TDRD10: variants seen among roughly 807,000 people sequenced by gnomAD.
TDRD10 encodes tudor domain-containing protein 10.
In TDRD10, 40 loss-of-function variants were observed where a neutral mutation model predicts 48.0. The ratio of observed to expected loss-of-function variants is 0.83; its 90% confidence interval spans 0.65 to 1.09. The LOEUF (loss-of-function observed/expected upper bound fraction) is 1.09. TDRD10 is among the 50% of genes least tolerant of loss of function. TDRD10 has a pLI of 0.00. For missense variants in TDRD10, 378 were observed against 434.7 expected (o/e 0.87, Z 1.16); for synonymous variants, 162 against 170.4 (o/e 0.95, Z 0.38).
intron 6 of TDRD10, among the ~76,000 whole-genome samples, chr1:154,536,248 T>C (rs1694913621): frequency 6.6e-6 from 1 of 152,188 alleles, no homozygotes; most frequent in Admixed American, 6.5e-5. Context: ...TGGTGGCACA[T>C]GCCTGTAATC....
chr1:154,530,107 C>A (rs1396703757), intron 6 of TDRD10, among the ~76,000 whole-genome samples: 1 of 152,070 alleles, frequency 6.6e-6, no homozygotes, highest in Admixed American at 6.5e-5. Context: ...CTCCGCCTCC[C>A]GGGTTCAAGT....
At chr1:154,538,855 G>GCCTTAT (rs1695072410) in intron 6 of TDRD10, among the ~76,000 whole-genome samples, 2 of 136,462 alleles carry the variant, frequency 1.5e-5, no homozygotes, top group East Asian at 2.1e-4. Context: ...TCCATCTCAC[G>GCCTTAT]GTGCTTTGTT....
intron 9 of TDRD10, 110 bp from the exon 10 acceptor site, chr1:154,544,262 C>T (rs1695423863): frequency 6.5e-7 from 1 of 1,540,894 alleles, no homozygotes; most frequent in South Asian, 1.2e-5. Context: ...CCACCTCATA[C>T]CTGATGGCCT....
intron 6 of TDRD10, among the ~76,000 whole-genome samples, chr1:154,524,936 G>T (rs1694235314): frequency 1.3e-5 from 2 of 152,170 alleles, no homozygotes; most frequent in Non-Finnish European, 2.9e-5. Context: ...CTTCTGTGTG[G>T]CTCCTTCCTC....
chr1:154,541,915 C>A, intron 6 of TDRD10, 109 bp from the exon 7 acceptor site: 2 of 1,100,984 alleles, frequency 1.8e-6, no homozygotes, highest in Non-Finnish European at 2.7e-6. Context: ...GGAGTCAGAA[C>A]AGGGGCTGCC....
Position 154,521,322 on chromosome 1 carries a change from G to T in TDRD10, c.213-1G>T. Reference sequence around the variant, plus strand: ...CCTCCCTCTCTCTCTTCCCTTTTCAGCTTTGCATTTGTAGATCTGGGCTCC... The same window carrying T: ...CCTCCCTCTCTCTCTTCCCTTTTCATCTTTGCATTTGTAGATCTGGGCTCC... On this transcript the variant is annotated splice_acceptor_variant, in intron 5 of 12. Transcript: ENST00000368482. LOFTEE classifies it high-confidence loss of function. 2.5e-6 allele frequency: 4 copies of T among 1,614,000 alleles called. No homozygotes were observed. The highest frequency in any genetic ancestry group is 3.4e-6 in the Non-Finnish European group (4 of 1,179,970).
At chr1:154,544,556 G>A (rs202049701) in intron 10 of TDRD10, 39 bp downstream of exon 10, 32 of 1,592,758 alleles carry the variant, frequency 2.0e-5, no homozygotes, top group East Asian at 4.5e-5. Flanking sequence ...TGGGAGAGGC[G>A]TGCAGGGAAA....
chr1:154,533,360 T>G (rs974489465), intron 6 of TDRD10, among the ~76,000 whole-genome samples: 1 of 151,376 alleles, frequency 6.6e-6, no homozygotes, highest in Admixed American at 6.6e-5. Flanking sequence ...TGGGTTTTTT[T>G]TTTTTTTTTT....
chr1:154,535,377 A>G (rs1694866988), intron 6 of TDRD10, among the ~76,000 whole-genome samples: 1 of 151,378 alleles, frequency 6.6e-6, no homozygotes, highest in Non-Finnish European at 1.5e-5. Context: ...AAGAAAAAAA[A>G]AAAAAGAGAG....
chr1:154,547,292 G>T, intron 11 of TDRD10, 117 bp from the exon 12 acceptor site: 1 of 962,538 alleles, frequency 1.0e-6, no homozygotes, highest in Non-Finnish European at 1.6e-6. Flanking sequence ...CTTGCTGGTT[G>T]GAGCTGGTTG....
chr1:154,536,664 G>C (rs1694935947), intron 6 of TDRD10, among the ~76,000 whole-genome samples: 1 of 152,218 alleles, frequency 6.6e-6, no homozygotes, highest in South Asian at 2.1e-4. Context: ...TCGCCCAAAA[G>C]ATTCCCCCTT....
At chr1:154,522,093 A>T (rs1401203341) in intron 6 of TDRD10, among the ~76,000 whole-genome samples, 5 of 152,214 alleles carry the variant, frequency 3.3e-5, no homozygotes, top group Non-Finnish European at 7.3e-5. Context: ...GGCTGCACAT[A>T]CGAGGAAATC....
chr1:154,503,777 TG>T lies in TDRD10; in HGVS notation c.-28+750del, dbSNP rs1692973746. ...CTGTGGACGGCCTCATTTGTGTGGGTGGTGGTTTGTGAGGTGGGAAAGCTAA... is the reference window on the plus strand; with the variant it reads ...CTGTGGACGGCCTCATTTGTGTGGGTGTGGTTTGTGAGGTGGGAAAGCTAA... On this transcript the variant is annotated intron_variant, in intron 1 of 12. Transcript: ENST00000368482. 2.0e-5 allele frequency among the ~76,000 whole-genome samples: 3 copies of T among 152,166 alleles called. No homozygotes were observed. In the South Asian group the frequency reaches 6.2e-4, roughly 32 times the overall value.
intron 4 of TDRD10, among the ~76,000 whole-genome samples, chr1:154,514,346 A>G (rs190910990): frequency 6.6e-6 from 1 of 152,264 alleles, no homozygotes; most frequent in East Asian, 1.9e-4. Context: ...TGTTTTTCTT[A>G]GTTTGATAAT....
chr1:154,506,241 C>T (rs146040736), intron 1 of TDRD10, among the ~76,000 whole-genome samples: 2 of 152,322 alleles, frequency 1.3e-5, no homozygotes, highest in Non-Finnish European at 1.5e-5. Context: ...GAATCCATTT[C>T]CCTGCCTTTT....
intron 4 of TDRD10, among the ~76,000 whole-genome samples, chr1:154,510,641 C>T (rs1693412810): frequency 6.6e-6 from 1 of 152,000 alleles, no homozygotes; most frequent in Non-Finnish European, 1.5e-5. Context: ...AGATTTTACC[C>T]TGATTACAAA....
chr1:154,546,062 C>T (rs1356240460), intron 11 of TDRD10, among the ~76,000 whole-genome samples: 2 of 146,912 alleles, frequency 1.4e-5, no homozygotes, highest in Non-Finnish European at 3.0e-5. Flanking sequence ...TGTGAGCCAC[C>T]GTGCCCGGCC....
intron 6 of TDRD10, among the ~76,000 whole-genome samples, chr1:154,522,649 G>GA (rs1209827901): frequency 6.7e-5 from 10 of 150,170 alleles, no homozygotes; most frequent in African/African-American, 4.9e-5. Flanking sequence ...CTATAAACAG[G>GA]AAAAAAAAAG....
In TDRD10 at chr1:154,538,464, C is replaced by T. The variant is rs536874235; in HGVS notation, c.370-3560C>T. ...ACTCAGGAGGCTGAGATAGGAGAATCGCTTGAACCTGGGAGGTAGAGGTTG... is the reference window on the plus strand; with the variant it reads ...ACTCAGGAGGCTGAGATAGGAGAATTGCTTGAACCTGGGAGGTAGAGGTTG... On this transcript the variant is annotated intron_variant, in intron 6 of 12. Coordinates refer to ENST00000368482, the MANE Select transcript of TDRD10 (RefSeq NM_182499.4). 7.1e-4 allele frequency among the ~76,000 whole-genome samples: 105 copies of T among 147,060 alleles called. 1 individual carries two copies. The highest frequency in any genetic ancestry group is 1.2e-3 in the Non-Finnish European group (83 of 67,240).
Sources: allele counts gnomAD v4.1 joint callset (sites outside exome capture counted in the v4.1 genomes callset), GRCh38; gene constraint gnomAD v4.1.1; transcripts MANE v1.5; gene names NCBI Gene and HGNC (gene_info 2026-07-23, HGNC 2026-07-21).